The following EFTUD2 variants were observed in gnomAD, a reference collection of about 807,000 sequenced individuals.
EFTUD2 encodes elongation factor Tu GTP binding domain containing 2.
EFTUD2 carries 9 observed loss-of-function variants against 114.3 expected under a neutral mutation model. The ratio of observed to expected loss-of-function variants is 0.08; its 90% CI spans 0.05 to 0.14. EFTUD2 has a LOEUF of 0.14. Ranked by LOEUF, EFTUD2 falls within the 10% of genes least tolerant of loss-of-function variation. The probability of loss-of-function intolerance (pLI) is 1.00; values close to 1 mark genes in which losing one functional copy is unlikely to be tolerated. For missense variants in EFTUD2, 765 were observed against 1,241.2 expected (o/e 0.62, Z 5.76); for synonymous variants, 449 against 462.3 (o/e 0.97, Z 0.37).
At chr17:44,881,596 T>C (rs1275885363) in intron 7 of EFTUD2, 91 bp downstream of exon 7, 8 of 1,355,232 alleles carry the variant, frequency 5.9e-6, no homozygotes, top group Admixed American at 1.7e-5. Flanking sequence ...TGAACTAAAA[T>C]GCTATCATAA....
chr17:44,880,275 A>G (rs547272397), intron 8 of EFTUD2, among the ~76,000 whole-genome samples: 5 of 152,348 alleles, frequency 3.3e-5, no homozygotes, highest in African/African-American at 9.6e-5. Flanking sequence ...CCCAGCAGAT[A>G]GCATGGGGCC....
rs1300798893 is a variant in EFTUD2 at position 44,853,351 on chromosome 17, C to T, written c.2506G>A (p.Val836Ile). Residue 836 changes from valine to isoleucine, a missense_variant, in exon 25 of 28, where the codon GTC (valine) becomes ATC (isoleucine). Val to Ile is a conservative substitution (Grantham distance 29). Coordinates refer to ENST00000426333, the MANE Select transcript of EFTUD2 (RefSeq NM_004247.4). ...GAGACGCAATCTGCAGGGGCCTGGA[C>T]CTCTACAAAGTAGTAAGGCTCCATC... ...RLMEPYYFVE[V>I]QAPADCVSAV... The T allele has an allele frequency of 1.2e-6, 2 of 1,613,998 alleles. No homozygotes were observed. The highest frequency in any genetic ancestry group is 1.3e-5 in the African/African-American group (1 of 74,926).
At position 44,874,788 on chromosome 17, in the gene EFTUD2, A is replaced by C. The variant is rs190733749; in HGVS notation, c.869+1146T>G. On this transcript the variant is annotated intron_variant, in intron 10 of 27. Transcript: ENST00000426333. Reference sequence around the variant, plus strand: ...GTATATCCACAGAAACACAGCAAACAGTTCTTAATTTATTTAGACTGTGTT... The same window carrying C: ...GTATATCCACAGAAACACAGCAAACCGTTCTTAATTTATTTAGACTGTGTT... Among the ~76,000 whole-genome samples, 1,101 of 152,348 alleles carry C rather than the reference A, an allele frequency of 7.2e-3. 12 individuals are homozygous for C. The highest frequency in any genetic ancestry group is 0.025 in the African/African-American group (1,042 of 41,580).
At chr17:44,888,092 G>A (rs778278765) in intron 2 of EFTUD2, among the ~76,000 whole-genome samples, 10 of 152,184 alleles carry the variant, frequency 6.6e-5, no homozygotes, top group Middle Eastern at 3.2e-3. Context: ...CATTCTAGTC[G>A]GCTGGTGAAA....
At chr17:44,872,681 G>T in intron 10 of EFTUD2, 111 bp from the exon 11 acceptor site, 1 of 1,384,210 alleles carries the variant, frequency 7.2e-7, no homozygotes, top group Admixed American at 2.5e-5. Flanking sequence ...CCTCGGAAGG[G>T]ACTTGTGCAA....
At chr17:44,886,801 TTGATATC>T in intron 2 of EFTUD2, 51 bp from the exon 3 acceptor site, 1 of 1,565,904 alleles carries the variant, frequency 6.4e-7, no homozygotes, top group Non-Finnish European at 8.6e-7. Flanking sequence ...CTTTTCCTGT[TTGATATC>T]TGACTACCTC....
At chr17:44,857,333 C>A in intron 19 of EFTUD2, 176 bp from the exon 20 acceptor site, 1 of 537,140 alleles carries the variant, frequency 1.9e-6, no homozygotes. Flanking sequence ...AAATCATCAC[C>A]AAAAAGCCCA....
At chr17:44,897,166 A>G (rs2051402379) in intron 1 of EFTUD2, among the ~76,000 whole-genome samples, 1 of 148,370 alleles carries the variant, frequency 6.7e-6, no homozygotes, top group African/African-American at 2.5e-5. Context: ...CAGTGAGCGG[A>G]GACAGCGCCA....
chr17:44,894,647 A>C, intron 1 of EFTUD2, 122 bp from the exon 2 acceptor site: 1 of 701,622 alleles, frequency 1.4e-6, no homozygotes, highest in Non-Finnish European at 2.5e-6. Context: ...CCTCCTCTCC[A>C]GTGACATCAA....
chr17:44,882,069 G>A (rs1170035984), intron 6 of EFTUD2, among the ~76,000 whole-genome samples: 1 of 152,122 alleles, frequency 6.6e-6, no homozygotes, highest in Non-Finnish European at 1.5e-5. Context: ...CAAGTAGCAG[G>A]GATTGCAGAC....
Position 44,879,583 on chromosome 17 carries a change from C to T in EFTUD2, c.675G>A (p.Val225=). Residue 225 remains valine (V), a synonymous_variant, in exon 9 of 28, where the codon GTG becomes GTA. Coordinates refer to ENST00000426333, the MANE Select transcript of EFTUD2 (RefSeq NM_004247.4). The part of the protein sequence containing the change: ...VTAGLRISDG[V]VLFIDAAEGV... The stretch of plus-strand genomic sequence containing the variant: ...CCTCAGCAGCATCAATGAAAAGGAC[C>T]ACTCCATCTGAGATGCGCAAGCCAG... The T allele has an allele frequency of 6.2e-7, 1 of 1,613,978 alleles. No individual in the cohort carries two copies. Among genetic ancestry groups the T allele is most frequent in the East Asian group, 2.2e-5 (1 of 44,872 alleles).
chr17:44,855,476 G>T (rs2145440959), intron 20 of EFTUD2, among the ~76,000 whole-genome samples: 1 of 152,072 alleles, frequency 6.6e-6, no homozygotes, highest in African/African-American at 2.4e-5. Flanking sequence ...GTTGAGGCAG[G>T]GGAATCACTT....
At chr17:44,882,535 CAT>C (rs1236244632) in intron 6 of EFTUD2, among the ~76,000 whole-genome samples, 5 of 152,226 alleles carry the variant, frequency 3.3e-5, no homozygotes, top group Non-Finnish European at 7.3e-5. Flanking sequence ...GGATTATAGG[CAT>C]GAGCCACCAC....
At chr17:44,897,427 G>T (rs1437729709) in intron 1 of EFTUD2, among the ~76,000 whole-genome samples, 1 of 152,120 alleles carries the variant, frequency 6.6e-6, no homozygotes, top group Non-Finnish European at 1.5e-5. Flanking sequence ...CCAAATATTT[G>T]ACAGTATGCT....
rs751243292 is a variant in EFTUD2, at chr17:44,862,915, G to C, written c.1414-9C>G. On this transcript the variant is annotated splice_polypyrimidine_tract_variant and intron_variant, in intron 15 of 27. Coordinates refer to ENST00000426333, the MANE Select transcript of EFTUD2 (RefSeq NM_004247.4). ...TGGCACATCAGGGGGCCCTGGAAGA[G>C]GGGACAGGGTGCAGCTTCAACCACA... The C allele has an allele frequency of 6.2e-7, 1 of 1,606,164 alleles. No homozygotes were observed. The highest frequency in any genetic ancestry group is 2.2e-5 in the East Asian group (1 of 44,664).
chr17:44,867,463 C>A (rs999158187), intron 13 of EFTUD2, among the ~76,000 whole-genome samples: 4 of 151,938 alleles, frequency 2.6e-5, no homozygotes, highest in African/African-American at 9.7e-5. Context: ...CCATGCCCAG[C>A]TAATTTTTTG....
intron 11 of EFTUD2, 116 bp from the exon 12 acceptor site, chr17:44,868,466 C>T (rs1197522357): frequency 2.2e-6 from 2 of 902,194 alleles, no homozygotes; most frequent in South Asian, 3.4e-5. Context: ...TTTCCAGGGT[C>T]CAGGCAGTTC....
intron 15 of EFTUD2, 59 bp from the exon 16 acceptor site, chr17:44,862,965 C>T: frequency 1.4e-6 from 2 of 1,436,476 alleles, no homozygotes; most frequent in South Asian, 1.3e-5. Context: ...AAGTACTACT[C>T]CCCGCCATCT....
intron 9 of EFTUD2, 102 bp downstream of exon 9, chr17:44,879,454 C>T: frequency 8.4e-7 from 1 of 1,186,214 alleles, no homozygotes; most frequent in Non-Finnish European, 1.2e-6. Flanking sequence ...CAGAGAGTTT[C>T]AAGTTCTCTG....
Sources: allele counts gnomAD v4.1 joint callset (sites outside exome capture counted in the v4.1 genomes callset), GRCh38; gene constraint gnomAD v4.1.1; transcripts MANE v1.5; gene names NCBI Gene and HGNC (gene_info 2026-07-23, HGNC 2026-07-21).